SLC16A7: variants seen among roughly 807,000 people sequenced by gnomAD.
The protein encoded by SLC16A7 is monocarboxylate transporter 2.
Under a neutral mutation model 34.9 loss-of-function variants are expected in SLC16A7, and 33 were observed. That is an observed-to-expected ratio of 0.94 (90% CI 0.72 to 1.26). The LOEUF (loss-of-function observed/expected upper bound fraction) is 1.26, where lower values mean the gene tolerates loss of function less well. Among genes scored for constraint, SLC16A7 ranks in the 50% most tolerant of loss-of-function variants. SLC16A7 has a pLI of 0.00. For synonymous variants in SLC16A7, 201 were observed against 206.6 expected (o/e 0.97, Z 0.23); for missense variants, 573 against 578.1 (o/e 0.99, Z 0.09).
intron 4 of SLC16A7, among the ~76,000 whole-genome samples, chr12:59,773,196 GT>G (rs1481264135): frequency 6.6e-6 from 1 of 151,982 alleles, no homozygotes; most frequent in East Asian, 1.9e-4. Context: ...AGGCTGGTCA[GT>G]TTTGTTATTT....
At chr12:59,719,487 C>CA (rs946900299) in intron 3 of SLC16A7, among the ~76,000 whole-genome samples, 3 of 151,484 alleles carry the variant, frequency 2.0e-5, no homozygotes, top group East Asian at 1.9e-4. Context: ...TGTGTGATCC[C>CA]AAAAAAATGA....
At chr12:59,684,499 C>G (rs1338255152) in intron 2 of SLC16A7, among the ~76,000 whole-genome samples, 2 of 152,164 alleles carry the variant, frequency 1.3e-5, no homozygotes, top group Non-Finnish European at 2.9e-5. Context: ...TGGGCTGTCT[C>G]TCAGGCTGGA....
At chr12:59,681,252 A>G (rs1484265325) in intron 2 of SLC16A7, among the ~76,000 whole-genome samples, 1 of 152,206 alleles carries the variant, frequency 6.6e-6, no homozygotes, top group African/African-American at 2.4e-5. Flanking sequence ...CAGGCGAGAC[A>G]AGTGTATGTA....
At chr12:59,606,261 G>A (rs1321463611) in intron 1 of SLC16A7, among the ~76,000 whole-genome samples, 2 of 152,190 alleles carry the variant, frequency 1.3e-5, no homozygotes, top group Non-Finnish European at 2.9e-5. Flanking sequence ...CTGCAAAAAT[G>A]TTTAAGTGGT....
At position 59,774,723 on chromosome 12, in the gene SLC16A7, G is replaced by A. The variant is rs1260312243; in HGVS notation, c.428G>A (p.Arg143Gln). ...ATTGGCAAATACTTCTATAGGAAGC[G>A]ACCCATGGCAAATGGATTGGCCATG... ...TIIGKYFYRK[R>Q]PMANGLAMAG... The change falls in exon 5 of 6, where the codon CGA becomes CAA. Residue 143 changes from arginine (R) to glutamine (Q), a missense_variant. Transcript: ENST00000547379. 2.5e-6 allele frequency: 4 copies of A among 1,613,220 alleles called. No homozygotes were observed. Among genetic ancestry groups the A allele is most frequent in the African/African-American group, 1.3e-5 (1 of 74,950 alleles).
At chr12:59,754,644 C>G (rs1477763651) in intron 3 of SLC16A7, among the ~76,000 whole-genome samples, 1 of 152,026 alleles carries the variant, frequency 6.6e-6, no homozygotes, top group Admixed American at 6.6e-5. Flanking sequence ...GAGTCCAGGA[C>G]CAGATGGATT....
chr12:59,685,625 A>G (rs546928082), intron 2 of SLC16A7, among the ~76,000 whole-genome samples: 6 of 152,318 alleles, frequency 3.9e-5, no homozygotes, highest in Non-Finnish European at 7.4e-5. Context: ...TGCTAGTCGT[A>G]TAGTATAAAT....
At position 59,762,244 on chromosome 12, in the gene SLC16A7, A is replaced by G. The variant is rs532727632; in HGVS notation, c.218-8975A>G. Among the ~76,000 whole-genome samples, 11 of 152,220 alleles carry G rather than the reference A, an allele frequency of 7.2e-5. No individual in the cohort carries two copies. The South Asian group carries it at 2.3e-3, about 32-fold the overall frequency. The stretch of plus-strand genomic sequence containing the variant: ...GTGTCATAAGCCAGAATGCAATGGG[A>G]TGAATATGGAGCCTTTCTTTTTATA... On this transcript the variant is annotated intron_variant, in intron 3 of 5. Transcript: ENST00000547379.
At chr12:59,757,441 C>G (rs1880511052) in intron 3 of SLC16A7, among the ~76,000 whole-genome samples, 1 of 152,018 alleles carries the variant, frequency 6.6e-6, no homozygotes, top group South Asian at 2.1e-4. Flanking sequence ...AACAAATTGA[C>G]ATTAGATAAT....
At chr12:59,604,801 A>G (rs1009445195) in intron 1 of SLC16A7, among the ~76,000 whole-genome samples, 5 of 152,182 alleles carry the variant, frequency 3.3e-5, no homozygotes, top group African/African-American at 4.8e-5. Context: ...CAAGTATTTC[A>G]TGCTGCAGTA....
chr12:59,606,235 A>G lies in SLC16A7; in HGVS notation c.-130+9999A>G, dbSNP rs1878930876. Among the ~76,000 whole-genome samples, 5 of 152,336 alleles carry G rather than the reference A, an allele frequency of 3.3e-5. No homozygotes were observed. The South Asian group carries it at 1.0e-3, about 32-fold the overall frequency. ...TCTGGCACATATATGAGGAGATTCA[A>G]GTGCTGATATTGATGCTGCAAAAAT... On this transcript the variant is annotated intron_variant, in intron 1 of 5. Coordinates refer to ENST00000547379, the MANE Select transcript of SLC16A7 (RefSeq NM_001270623.2).
intron 3 of SLC16A7, among the ~76,000 whole-genome samples, chr12:59,738,526 C>T (rs574997323): frequency 2.6e-5 from 4 of 152,202 alleles, no homozygotes; most frequent in South Asian, 4.1e-4. Context: ...TGACATAGAC[C>T]AAGTCTCTGT....
chr12:59,717,260 CA>C (rs1310488764), intron 3 of SLC16A7, among the ~76,000 whole-genome samples: 8 of 152,132 alleles, frequency 5.3e-5, no homozygotes, highest in Non-Finnish European at 1.2e-4. Flanking sequence ...CAGAAATATG[CA>C]AAGGGTTGAA....
Position 59,778,405 on chromosome 12 carries a change from A to G in SLC16A7, c.1181-1018A>G, listed in dbSNP as rs1248536961. 4.3e-4 allele frequency among the ~76,000 whole-genome samples: 66 copies of G among 152,168 alleles called. 2 individuals carry two copies. The highest frequency in any genetic ancestry group is 1.0e-4 in the Non-Finnish European group (7 of 68,028). The stretch of plus-strand genomic sequence containing the variant: ...CAAATTTAATGTTGAGCCACTGACT[A>G]GATTCTAGGGAGAATGCTATGGATT... On this transcript the variant is annotated intron_variant, in intron 5 of 5. Transcript: ENST00000547379.
intron 1 of SLC16A7, among the ~76,000 whole-genome samples, chr12:59,602,674 AG>A (rs1878745958): frequency 2.0e-5 from 3 of 151,654 alleles, no homozygotes; most frequent in Admixed American, 1.3e-4. Flanking sequence ...TAGTAGAAAT[AG>A]GGTTTCACCA....
chr12:59,786,653 C>T lies in SLC16A7; in HGVS notation c.*6974C>T, dbSNP rs575468855. On this transcript the variant is annotated 3_prime_UTR_variant, in exon 6 of 6. Coordinates refer to ENST00000547379, the MANE Select transcript of SLC16A7 (RefSeq NM_001270623.2). The stretch of plus-strand genomic sequence containing the variant: ...ATATGTTTAATGAATTCATTTCATC[C>T]TCTCAACCCTCAGTTTTGATAGGTA... 6.6e-6 allele frequency: 1 copy of T among 152,024 alleles called. No individual in the cohort carries two copies. The allele number at this position is 152,024 out of a possible 1,614,324, so 9.4% of individuals were successfully genotyped here. A position where few individuals can be genotyped will look rare whatever the true frequency, so the allele number is the denominator to read the frequency against.
At chr12:59,748,703 G>C (rs948553765) in intron 3 of SLC16A7, among the ~76,000 whole-genome samples, 10 of 152,112 alleles carry the variant, frequency 6.6e-5, no homozygotes, top group Admixed American at 5.2e-4. Context: ...TGAAATTTTT[G>C]TTGCAGACTC....
chr12:59,631,222 A>G (rs1037868677), intron 1 of SLC16A7, among the ~76,000 whole-genome samples: 11 of 152,002 alleles, frequency 7.2e-5, no homozygotes, highest in African/African-American at 2.4e-4. Flanking sequence ...AGGCAAAGAC[A>G]TTGGGTCTTC....
At chr12:59,772,261 TC>T (rs1394782130) in intron 4 of SLC16A7, among the ~76,000 whole-genome samples, 3 of 152,174 alleles carry the variant, frequency 2.0e-5, no homozygotes, top group African/African-American at 7.2e-5. Flanking sequence ...CTCTTTACAA[TC>T]TATCCACATC....
Sources: allele counts gnomAD v4.1 joint callset (sites outside exome capture counted in the v4.1 genomes callset), GRCh38; gene constraint gnomAD v4.1.1; transcripts MANE v1.5; gene names NCBI Gene and HGNC (gene_info 2026-07-23, HGNC 2026-07-21).